The following BTBD9 variants were observed in gnomAD, a reference collection of about 807,000 sequenced individuals.
BTBD9 encodes the protein BTB domain containing 9.
BTBD9 carries 49 observed loss-of-function variants against 64.3 expected under a neutral mutation model. The observed-to-expected ratio is 0.76, with a 90% CI of 0.61 to 0.97. The LOEUF (loss-of-function observed/expected upper bound fraction) is 0.97. Ranked by LOEUF, BTBD9 falls within the 50% of genes least tolerant of loss-of-function variation. The probability of loss-of-function intolerance (pLI) is 0.00; values close to 1 mark genes in which losing one functional copy is unlikely to be tolerated. For missense variants in BTBD9, 598 were observed against 762.1 expected, an observed-to-expected ratio of 0.78 and a Z score of 2.53; for synonymous variants, 260 against 274.7, an observed-to-expected ratio of 0.95 and a Z score of 0.53.
At chr6:38,318,502 C>T (rs186639358) in intron 7 of BTBD9, among the ~76,000 whole-genome samples, 29 of 152,330 alleles carry the variant, frequency 1.9e-4, no homozygotes, top group Admixed American at 1.7e-3. Context: ...CTCAGTAATG[C>T]TGTAGTTCTT....
At chr6:38,196,223 T>G (rs896802147) in intron 9 of BTBD9, among the ~76,000 whole-genome samples, 1 of 152,246 alleles carries the variant, frequency 6.6e-6, no homozygotes, top group Non-Finnish European at 1.5e-5. Context: ...TTAACAGCTC[T>G]AGGACCTTAA....
At chr6:38,629,130 T>TG (rs1040125420) in intron 1 of BTBD9, among the ~76,000 whole-genome samples, 15 of 152,162 alleles carry the variant, frequency 9.9e-5, no homozygotes, top group African/African-American at 3.6e-4. Flanking sequence ...AGTTAATTAA[T>TG]GGGGGCAAGT....
In BTBD9 at chr6:38,455,542, C is replaced by T. The variant is rs139662638; in HGVS notation, c.1155-110449G>A. Among the ~76,000 whole-genome samples the T allele has an allele frequency of 2.0e-5, 3 of 152,278 alleles. 1 individual carries two copies. The highest frequency in any genetic ancestry group is 7.2e-5 in the African/African-American group (3 of 41,558). ...GTAGCCTTTTGAATCTTGCTTTTTT[C>T]ACTTAGCATAAAACATCTGAGATAC... On this transcript the variant is annotated intron_variant, in intron 6 of 10. Transcript: ENST00000481247.
chr6:38,402,263 C>A (rs1378833210), intron 6 of BTBD9, among the ~76,000 whole-genome samples: 3 of 151,846 alleles, frequency 2.0e-5, no homozygotes, highest in African/African-American at 7.2e-5. Context: ...GGTGACGATA[C>A]TTCTCAAAGC....
intron 8 of BTBD9, among the ~76,000 whole-genome samples, chr6:38,269,650 C>T (rs1765132648): frequency 6.6e-6 from 1 of 151,930 alleles, no homozygotes; most frequent in African/African-American, 2.4e-5. Flanking sequence ...CAGGCAAAGG[C>T]TCTGCAAAGG....
At chr6:38,243,348 C>G in intron 9 of BTBD9, among the ~76,000 whole-genome samples, 1 of 152,112 alleles carries the variant, frequency 6.6e-6, no homozygotes, top group Non-Finnish European at 1.5e-5. Context: ...AGGTAAGGAT[C>G]GGAGGCTTTC....
chr6:38,301,940 A>C (rs1424536474), intron 7 of BTBD9, among the ~76,000 whole-genome samples: 3 of 151,996 alleles, frequency 2.0e-5, no homozygotes, highest in Middle Eastern at 3.4e-3. Context: ...TAGTTCTTTT[A>C]ATTGTGATGT....
At chr6:38,608,707 T>G (rs1242806518) in intron 1 of BTBD9, among the ~76,000 whole-genome samples, 2 of 152,236 alleles carry the variant, frequency 1.3e-5, no homozygotes, top group African/African-American at 4.8e-5. Context: ...GGCTATTTTC[T>G]GTGGAATTGT....
intron 6 of BTBD9, among the ~76,000 whole-genome samples, chr6:38,534,652 C>T (rs762347286): frequency 1.3e-4 from 19 of 151,806 alleles, no homozygotes; most frequent in Non-Finnish European, 2.5e-4. Context: ...AGGAATTGAA[C>T]AAAACATTAA....
chr6:38,279,878 G>C (rs1359709932), intron 8 of BTBD9, among the ~76,000 whole-genome samples: 2 of 152,134 alleles, frequency 1.3e-5, no homozygotes, highest in East Asian at 3.8e-4. Flanking sequence ...TTAAAATCTT[G>C]GAAAGCTAAA....
intron 6 of BTBD9, among the ~76,000 whole-genome samples, chr6:38,423,351 C>T (rs1294446804): frequency 1.3e-5 from 2 of 152,010 alleles, no homozygotes; most frequent in Non-Finnish European, 2.9e-5. Flanking sequence ...GTTACCCAGG[C>T]TGGAGTACAG....
intron 8 of BTBD9, among the ~76,000 whole-genome samples, chr6:38,274,691 G>T (rs892486746): frequency 3.9e-5 from 6 of 152,142 alleles, no homozygotes; most frequent in East Asian, 3.9e-4. Flanking sequence ...TTACTGATTT[G>T]CGTATGTTGA....
chr6:38,360,620 G>A (rs1764913373), intron 6 of BTBD9, among the ~76,000 whole-genome samples: 1 of 152,178 alleles, frequency 6.6e-6, no homozygotes, highest in Non-Finnish European at 1.5e-5. Flanking sequence ...ATGAGTGGGG[G>A]TTGTGGGGGA....
At chr6:38,638,072 T>C (rs768396433) in intron 1 of BTBD9, among the ~76,000 whole-genome samples, 1 of 152,206 alleles carries the variant, frequency 6.6e-6, no homozygotes, top group Non-Finnish European at 1.5e-5. Flanking sequence ...ATTCACATTA[T>C]TATTTTCTCA....
At chr6:38,475,059 A>G (rs1770818489) in intron 6 of BTBD9, among the ~76,000 whole-genome samples, 1 of 152,226 alleles carries the variant, frequency 6.6e-6, no homozygotes, top group Non-Finnish European at 1.5e-5. Context: ...AATGTTTTCA[A>G]GGAACATTTA....
At chr6:38,251,990 T>A (rs957397324) in intron 9 of BTBD9, among the ~76,000 whole-genome samples, 38 of 152,058 alleles carry the variant, frequency 2.5e-4, no homozygotes, top group Non-Finnish European at 4.1e-4. Flanking sequence ...AATGTAATTT[T>A]AAAAAATTAG....
At chr6:38,545,872 A>G (rs940868314) in intron 6 of BTBD9, among the ~76,000 whole-genome samples, 5 of 149,072 alleles carry the variant, frequency 3.4e-5, no homozygotes, top group Admixed American at 6.7e-5. Context: ...ACACACACAC[A>G]CACACACACA....
intron 9 of BTBD9, among the ~76,000 whole-genome samples, chr6:38,218,463 A>AT (rs1763087465): frequency 6.6e-6 from 1 of 152,134 alleles, no homozygotes; most frequent in Non-Finnish European, 1.5e-5. Context: ...TAACTGCCAG[A>AT]TTCTATGCTG....
intron 6 of BTBD9, among the ~76,000 whole-genome samples, chr6:38,394,886 G>T (rs1582356652): frequency 6.6e-6 from 1 of 152,046 alleles, no homozygotes; most frequent in South Asian, 2.1e-4. Flanking sequence ...TATAGCCTTG[G>T]CTGACATCTT....
Sources: gnomAD v4.1 joint callset for allele counts (sites outside exome capture counted in the v4.1 genomes callset) on GRCh38, gnomAD v4.1.1 for gene constraint, MANE v1.5 for transcripts, NCBI Gene and HGNC (gene_info 2026-07-23, HGNC 2026-07-21) for gene names.